AGAP1: variants seen among roughly 807,000 people sequenced by gnomAD.
AGAP1 encodes the protein arf-GAP with GTPase, ANK repeat and PH domain-containing protein 1.
In AGAP1, 29 loss-of-function variants were observed where a neutral mutation model predicts 105.3. That is an observed-to-expected ratio of 0.28 (90% CI 0.21 to 0.38). The LOEUF (loss-of-function observed/expected upper bound fraction) is 0.38, where lower values mean the gene tolerates loss of function less well. Among genes scored for constraint, AGAP1 ranks in the 10% least tolerant of loss-of-function variants. The pLI is 1.00. For synonymous variants in AGAP1, 509 were observed against 485.9 expected (o/e 1.05, Z -0.63); for missense variants, 998 against 1,165.1 (o/e 0.86, Z 2.09).
chr2:235,897,034 A>C (rs2050838087), intron 10 of AGAP1, among the ~76,000 whole-genome samples: 1 of 152,222 alleles, frequency 6.6e-6, no homozygotes, highest in South Asian at 2.1e-4. Flanking sequence ...GAGACTGGAC[A>C]AAATAAAGTC....
chr2:235,807,883 A>T (rs1049028980), intron 9 of AGAP1, among the ~76,000 whole-genome samples: 2 of 152,224 alleles, frequency 1.3e-5, no homozygotes, highest in African/African-American at 2.4e-5. Context: ...ACCTTATTAT[A>T]TAAAGGAACA....
chr2:235,759,335 A>G (rs1228014270), intron 6 of AGAP1, among the ~76,000 whole-genome samples: 1 of 150,648 alleles, frequency 6.6e-6, no homozygotes, highest in Non-Finnish European at 1.5e-5. Flanking sequence ...CGCCCGGCTA[A>G]TTTTTTTGTA....
At chr2:236,122,483 C>T (rs933862518) in intron 17 of AGAP1, among the ~76,000 whole-genome samples, 97 of 152,222 alleles carry the variant, frequency 6.4e-4, no homozygotes, top group East Asian at 1.9e-4. Flanking sequence ...TGTTGAGTGG[C>T]CTCAGACTCC....
At position 236,114,777 on chromosome 2, in the gene AGAP1, T is replaced by C. The variant is rs1441123296; in HGVS notation, c.2115-5415T>C. Among the ~76,000 whole-genome samples, 1 of 152,162 alleles carries C rather than the reference T, an allele frequency of 6.6e-6. No homozygotes were observed. The highest frequency in any genetic ancestry group is 1.5e-5 in the Non-Finnish European group (1 of 68,032). The stretch of plus-strand genomic sequence containing the variant: ...GACCCCATCTCCACATACAGCAACA[T>C]TGAGGGTTAAAGCTTCAGCATGTGA... On this transcript the variant is annotated intron_variant, in intron 16 of 17. Coordinates refer to ENST00000304032, the MANE Select transcript of AGAP1 (RefSeq NM_001037131.3). The surrounding 1 kb of genome is among the most constrained non-coding windows in gnomAD (Gnocchi z 5.0).
intron 1 of AGAP1, among the ~76,000 whole-genome samples, chr2:235,519,654 G>A (rs1942541764): frequency 6.6e-6 from 1 of 152,066 alleles, no homozygotes; most frequent in Non-Finnish European, 1.5e-5. Flanking sequence ...ATTTTCTAGA[G>A]CTTACCAAAA....
rs1483166155 is a variant in AGAP1 at position 235,578,941 on chromosome 2, G to A, written c.163+84092G>A. ...CAGTCACACAGACGGATATAGATAT[G>A]TAATTTGAATTACTTCTGTTTCTTT... On this transcript the variant is annotated intron_variant, in intron 1 of 17. Coordinates refer to ENST00000304032, the MANE Select transcript of AGAP1 (RefSeq NM_001037131.3). The surrounding 1 kb of genome is among the most constrained non-coding windows in gnomAD (Gnocchi z 4.9). Among the ~76,000 whole-genome samples, 1 of 152,032 alleles carries A rather than the reference G, an allele frequency of 6.6e-6. No homozygotes were observed. Among genetic ancestry groups the A allele is most frequent in the Non-Finnish European group, 1.5e-5 (1 of 68,022 alleles).
At chr2:235,501,152 T>A (rs957736488) in intron 1 of AGAP1, among the ~76,000 whole-genome samples, 6 of 152,130 alleles carry the variant, frequency 3.9e-5, no homozygotes, top group African/African-American at 1.4e-4. Flanking sequence ...TGTGGGGCCA[T>A]TCTCAGTTAT....
rs1047017225 is a variant in AGAP1 at position 236,075,105 on chromosome 2, A to G, written c.2114+25824A>G. On this transcript the variant is annotated intron_variant, in intron 16 of 17. Coordinates refer to ENST00000304032, the MANE Select transcript of AGAP1 (RefSeq NM_001037131.3). ...TCTATAAGTGATTGATTCGGTTTAC[A>G]TGGCGTCTCAGAAAAGGCCAGTCTG... Among the ~76,000 whole-genome samples the G allele has an allele frequency of 3.9e-5, 6 of 152,258 alleles. No homozygotes were observed. The East Asian group carries it at 9.6e-4, about 24-fold the overall frequency.
rs180781826 is a variant in AGAP1 at position 235,893,283 on chromosome 2, G to T, written c.1155+9834G>T. On this transcript the variant is annotated intron_variant, in intron 10 of 17. Coordinates refer to ENST00000304032, the MANE Select transcript of AGAP1 (RefSeq NM_001037131.3). This position sits in a 1 kb window ranked among gnomAD's most constrained non-coding sequence, Gnocchi z 4.7. ...CATAAGGAAGCGCCGTGTCTGTAGC[G>T]TGGGTGTAGCGTGTCTGTGGCGCAG... is the stretch of plus-strand genomic sequence containing the variant. Among the ~76,000 whole-genome samples, 2 of 151,366 alleles carry T rather than the reference G, an allele frequency of 1.3e-5. No individual in the cohort carries two copies. The highest frequency in any genetic ancestry group is 4.9e-5 in the African/African-American group (2 of 41,158).
chr2:235,748,877 G>A (rs546964624), intron 5 of AGAP1, among the ~76,000 whole-genome samples: 1 of 152,262 alleles, frequency 6.6e-6, no homozygotes, highest in Admixed American at 6.5e-5. Context: ...TTTGGCATAA[G>A]AGCCTTCAAG....
In AGAP1 at chr2:235,883,957, A is replaced by G. The variant is rs1382421399; in HGVS notation, c.1155+508A>G. ...TTTGTGTTATATGTAAGTTTATGTT[A>G]CATATAAGTTTGTTATATCCGTGGT... is the stretch of plus-strand genomic sequence containing the variant. On this transcript the variant is annotated intron_variant, in intron 10 of 17. Transcript: ENST00000304032. This position sits in a 1 kb window ranked among gnomAD's most constrained non-coding sequence, Gnocchi z 4.5. 1.3e-5 allele frequency among the ~76,000 whole-genome samples: 2 copies of G among 152,244 alleles called. No homozygotes were observed. Among genetic ancestry groups the G allele is most frequent in the Non-Finnish European group, 2.9e-5 (2 of 68,048 alleles).
chr2:235,744,764 G>C lies in AGAP1; in HGVS notation c.463G>C (p.Val155Leu), dbSNP rs200676786. The change falls in exon 5 of 18, where the codon GTT (valine) becomes CTT (leucine). Residue 155 changes from valine to leucine, a missense_variant. By Grantham distance (32) the Val-to-Leu change is conservative (BLOSUM62 1). Transcript: ENST00000304032. The surrounding 1 kb of genome is among the most constrained non-coding windows in gnomAD (Gnocchi z 5.2). ...SLEDEISFQT[V>L]YHYYSRMANY... Reference sequence around the variant, plus strand: ...GGAGGATGAAATAAGTTTCCAGACCGTTTACCACTACTACAGTCGAATGGC... The same window carrying C: ...GGAGGATGAAATAAGTTTCCAGACCCTTTACCACTACTACAGTCGAATGGC... 1 of 1,613,824 alleles carries C rather than the reference G, an allele frequency of 6.2e-7. No homozygotes were observed. Among genetic ancestry groups the C allele is most frequent in the African/African-American group, 1.3e-5 (1 of 74,852 alleles).
At position 235,739,602 on chromosome 2, in the gene AGAP1, G is replaced by T. The variant is rs945102901; in HGVS notation, c.311-1361G>T. 6.6e-6 allele frequency among the ~76,000 whole-genome samples: 1 copy of T among 152,280 alleles called. No homozygotes were observed. The highest frequency in any genetic ancestry group is 2.1e-4 in the South Asian group (1 of 4,836). ...GTGTTATTGAATGAACTGAACAGCA[G>T]ATTTATTTGCTTTAGCAAATGCGGC... On this transcript the variant is annotated intron_variant, in intron 3 of 17. Transcript: ENST00000304032. This position sits in a 1 kb window ranked among gnomAD's most constrained non-coding sequence, Gnocchi z 5.3.
chr2:235,616,462 T>C (rs918601323), intron 1 of AGAP1, among the ~76,000 whole-genome samples: 1 of 152,234 alleles, frequency 6.6e-6, no homozygotes, highest in African/African-American at 2.4e-5. Context: ...GTTCCCCTTT[T>C]ACATTTTAGT....
chr2:235,866,706 G>A lies in AGAP1; in HGVS notation c.1051-16639G>A, dbSNP rs568904328. Among the ~76,000 whole-genome samples the A allele has an allele frequency of 6.6e-6, 1 of 152,294 alleles. No homozygotes were observed. The highest frequency in any genetic ancestry group is 2.1e-4 in the South Asian group (1 of 4,828). Reference sequence around the variant, plus strand: ...CATTTATTGTCTCCCAATTCTGGAGGCTGGAAGTCTTGGATCAAGGCCTCA... The same window carrying A: ...CATTTATTGTCTCCCAATTCTGGAGACTGGAAGTCTTGGATCAAGGCCTCA... On this transcript the variant is annotated intron_variant, in intron 9 of 17. Coordinates refer to ENST00000304032, the MANE Select transcript of AGAP1 (RefSeq NM_001037131.3). The surrounding 1 kb of genome is among the most constrained non-coding windows in gnomAD (Gnocchi z 6.1).
At chr2:236,060,831 G>A (rs1254146268) in intron 16 of AGAP1, among the ~76,000 whole-genome samples, 2 of 152,258 alleles carry the variant, frequency 1.3e-5, no homozygotes, top group Non-Finnish European at 2.9e-5. Flanking sequence ...GGAGGCTGAG[G>A]CAGGAGGATC....
intron 1 of AGAP1, among the ~76,000 whole-genome samples, chr2:235,497,818 C>A (rs1017313784): frequency 6.6e-6 from 1 of 152,062 alleles, no homozygotes; most frequent in Non-Finnish European, 1.5e-5. Flanking sequence ...GTATGGTCTC[C>A]GTCTCCTAAC....
rs1948044556 is a variant in AGAP1, at chr2:235,663,922, T to C, written c.164-45257T>C. Among the ~76,000 whole-genome samples the C allele has an allele frequency of 6.6e-6, 1 of 152,124 alleles. No individual in the cohort carries two copies. The highest frequency in any genetic ancestry group is 6.5e-5 in the Admixed American group (1 of 15,276). ...AATACTAGGAAGATTAGATAATGTG[T>C]AGGGATTTCTTGGTTTTTCTGCACA... On this transcript the variant is annotated intron_variant, in intron 1 of 17. Transcript: ENST00000304032. This position sits in a 1 kb window ranked among gnomAD's most constrained non-coding sequence, Gnocchi z 5.4.
rs1400742243 is a variant in AGAP1, at chr2:235,856,732, G to A, written c.1051-26613G>A. On this transcript the variant is annotated intron_variant, in intron 9 of 17. Coordinates refer to ENST00000304032, the MANE Select transcript of AGAP1 (RefSeq NM_001037131.3). ...GCAGAGTCACAGGTCCTGGCCATGA[G>A]CACAGGAGTTGGATGTAGGACAACC... 2.0e-5 allele frequency among the ~76,000 whole-genome samples: 3 copies of A among 152,372 alleles called. 1 individual carries two copies. The highest frequency in any genetic ancestry group is 1.9e-4 in the East Asian group (1 of 5,176).
Sources: gnomAD v4.1 joint callset for allele counts (sites outside exome capture counted in the v4.1 genomes callset) on GRCh38, gnomAD v4.1.1 for gene constraint, Gnocchi (gnomAD v3.1) non-coding constraint, MANE v1.5 for transcripts, NCBI Gene and HGNC (gene_info 2026-07-23, HGNC 2026-07-21) for gene names.